Variants in RFT1 observed in about 807,000 individuals in gnomAD.
RFT1 encodes the protein RFT1 glycolipid translocator homolog.
RFT1 carries 43 observed loss-of-function variants against 62.2 expected under a neutral mutation model. The observed-to-expected ratio is 0.69, with a 90% CI of 0.54 to 0.89. RFT1 has a LOEUF of 0.89. Ranked by LOEUF, RFT1 falls within the 40% of genes least tolerant of loss-of-function variation. The probability of loss-of-function intolerance (pLI) is 0.00; values close to 1 mark genes in which losing one functional copy is unlikely to be tolerated. For synonymous variants in RFT1, 262 were observed against 264.6 expected, an observed-to-expected ratio of 0.99 and a Z score of 0.10; for missense variants, 605 against 649.9, an observed-to-expected ratio of 0.93 and a Z score of 0.75.
the RFT1 span, among the ~76,000 whole-genome samples, chr3:53,079,823 A>C: frequency 7.2e-5 from 11 of 152,260 alleles, no homozygotes; most frequent in African/African-American, 2.7e-4. Context: ...GAAGTAAAAA[A>C]AACAACAAAG....
chr3:53,071,102 A>G, the RFT1 span, among the ~76,000 whole-genome samples: 3 of 152,156 alleles, frequency 2.0e-5, no homozygotes, highest in Non-Finnish European at 4.4e-5. Flanking sequence ...TAAGTTGCCC[A>G]GGCTGGTCTC....
the RFT1 span, among the ~76,000 whole-genome samples, chr3:53,082,280 C>T: frequency 1.3e-5 from 2 of 152,052 alleles, no homozygotes; most frequent in African/African-American, 2.4e-5. Context: ...AGTTCAAAAC[C>T]AGCCTGACCA....
At chr3:53,095,160 G>A (rs181451138) in intron 11 of RFT1, among the ~76,000 whole-genome samples, 2 of 152,198 alleles carry the variant, frequency 1.3e-5, no homozygotes, top group East Asian at 3.9e-4. Context: ...CAGCTACTCA[G>A]GAGGCTGAGG....
intron 11 of RFT1, among the ~76,000 whole-genome samples, chr3:53,093,773 C>T (rs1221712048): frequency 6.6e-6 from 1 of 151,698 alleles, no homozygotes; most frequent in Non-Finnish European, 1.5e-5. Flanking sequence ...GCAGTCCTAG[C>T]TACTCGGGAG....
the RFT1 span, among the ~76,000 whole-genome samples, chr3:53,081,614 T>C: frequency 1.3e-5 from 2 of 152,170 alleles, no homozygotes; most frequent in African/African-American, 2.4e-5. Context: ...CTCCTGCCCA[T>C]GGTTCCAAAG....
At chr3:53,097,560 TAAGAG>T (rs1388200596) in intron 11 of RFT1, among the ~76,000 whole-genome samples, 1 of 152,218 alleles carries the variant, frequency 6.6e-6, no homozygotes, top group Non-Finnish European at 1.5e-5. Context: ...CAATACAATA[TAAGAG>T]AAAAGAAAGC....
chr3:53,125,896 C>T lies in RFT1; in HGVS notation c.149+13G>A, dbSNP rs866873760. On this transcript the variant is annotated intron_variant, in intron 2 of 12. Coordinates refer to ENST00000296292, the MANE Select transcript of RFT1 (RefSeq NM_052859.4). The stretch of plus-strand genomic sequence containing the variant: ...GGTGAACTCTGACAGTGCCAGGGTG[C>T]ATCTCCTCCTACCTTACATTTACTA... 7 of 1,603,426 alleles carry T rather than the reference C, an allele frequency of 4.4e-6. No individual in the cohort carries two copies. The highest frequency in any genetic ancestry group is 2.2e-5 in the South Asian group (2 of 90,598).
chr3:53,107,292 C>T (rs1040930830), intron 7 of RFT1, among the ~76,000 whole-genome samples: 4 of 152,000 alleles, frequency 2.6e-5, no homozygotes, highest in Admixed American at 6.6e-5. Context: ...CCCGCCACCG[C>T]ACCCGGCTAA....
At chr3:53,115,878 C>G (rs1344276637) in intron 6 of RFT1, among the ~76,000 whole-genome samples, 1 of 152,252 alleles carries the variant, frequency 6.6e-6, no homozygotes, top group African/African-American at 2.4e-5. Context: ...ATCTCTCCAT[C>G]ACCATGCAAG....
rs1344617394 is a variant in RFT1, at chr3:53,089,490, TAA to T, written c.*2411_*2412del. On this transcript the variant is annotated 3_prime_UTR_variant, in exon 13 of 13. Transcript: ENST00000296292. Reference sequence around the variant, plus strand: ...TTTCTGCTCCCCAAATCCACTTGGGTAAAGTGAGGCAGGCTGGCCCACATGTA... The same window carrying T: ...TTTCTGCTCCCCAAATCCACTTGGGTAGTGAGGCAGGCTGGCCCACATGTA... 6.6e-6 allele frequency: 1 copy of T among 152,082 alleles called. No homozygotes were observed. Among genetic ancestry groups the T allele is most frequent in the African/African-American group, 2.4e-5 (1 of 41,386 alleles). 9.4% of individuals were successfully genotyped at this position (152,082 alleles called of 1,614,324 possible). A position where few individuals can be genotyped will look rare whatever the true frequency, so the allele number is the denominator to read the frequency against.
intron 5 of RFT1, 87 bp from the exon 6 acceptor site, chr3:53,120,108 C>T (rs1701927553): frequency 5.4e-6 from 6 of 1,109,368 alleles, no homozygotes; most frequent in Non-Finnish European, 7.6e-6. Flanking sequence ...AGTAATAGAA[C>T]TCTCTTGATT....
At chr3:53,075,094 C>T in the RFT1 span, among the ~76,000 whole-genome samples, 1 of 152,140 alleles carries the variant, frequency 6.6e-6, no homozygotes, top group Non-Finnish European at 1.5e-5. Flanking sequence ...CGGGCCTGAC[C>T]CTTGGGCCCC....
At chr3:53,078,661 G>A in the RFT1 span, among the ~76,000 whole-genome samples, 1 of 152,152 alleles carries the variant, frequency 6.6e-6, no homozygotes, top group Non-Finnish European at 1.5e-5. Flanking sequence ...AGGATCACTT[G>A]AGCCCTGGAG....
chr3:53,077,130 G>A, the RFT1 span, among the ~76,000 whole-genome samples: 5 of 152,220 alleles, frequency 3.3e-5, no homozygotes, highest in Admixed American at 6.5e-5. Flanking sequence ...TGTACCATAC[G>A]TGTATTGTTT....
the RFT1 span, among the ~76,000 whole-genome samples, chr3:53,075,065 T>G: frequency 1.3e-5 from 2 of 152,132 alleles, no homozygotes; most frequent in Non-Finnish European, 2.9e-5. Context: ...ACAAGGCCCC[T>G]TGCCCCACAG....
chr3:53,068,993 G>A, the RFT1 span, among the ~76,000 whole-genome samples: 1 of 152,240 alleles, frequency 6.6e-6, no homozygotes, highest in South Asian at 2.1e-4. Context: ...AGGCTGGAGT[G>A]CAATGGCACA....
intron 11 of RFT1, among the ~76,000 whole-genome samples, chr3:53,095,835 C>G (rs1366979050): frequency 6.6e-6 from 1 of 152,114 alleles, no homozygotes; most frequent in Admixed American, 6.5e-5. Flanking sequence ...TACAATCGAG[C>G]CTTCACAGCC....
chr3:53,067,583 C>A, the RFT1 span, among the ~76,000 whole-genome samples: 1 of 152,096 alleles, frequency 6.6e-6, no homozygotes, highest in Non-Finnish European at 1.5e-5. Context: ...AGGTGTGCAC[C>A]TATGTAAAAT....
At chr3:53,088,084 C>A (rs1700897679), downstream of RFT1, among the ~76,000 whole-genome samples, 1 of 152,186 alleles carries the variant, frequency 6.6e-6, no homozygotes. Context: ...CTGTCCTAGA[C>A]CCCCTGAAAT....
Sources: allele counts gnomAD v4.1 joint callset (sites outside exome capture counted in the v4.1 genomes callset), GRCh38; gene constraint gnomAD v4.1.1; transcripts MANE v1.5; gene names NCBI Gene and HGNC (gene_info 2026-07-23, HGNC 2026-07-21).